Variants in CCDC192 observed in about 807,000 individuals in gnomAD.
CCDC192 encodes coiled-coil domain containing 192.
In CCDC192 at chr5:127,732,876, T is replaced by C. The variant is rs1342998707; in HGVS notation, c.115-21392T>C. On this transcript the variant is annotated intron_variant, in intron 2 of 6. Coordinates refer to ENST00000514853, the MANE Select transcript of CCDC192 (RefSeq NM_001317938.2). ...GGCAGGAGGAAGGAGAGCATCAGGG[T>C]AAATAGCTAATGCATGTGGGGCTTA... 2.6e-5 allele frequency among the ~76,000 whole-genome samples: 4 copies of C among 151,278 alleles called. No individual in the cohort carries two copies. In the East Asian group the frequency reaches 7.8e-4, roughly 29 times the overall value.
intron 6 of CCDC192, among the ~76,000 whole-genome samples, chr5:127,881,168 G>C (rs1489899161): frequency 6.6e-6 from 1 of 152,104 alleles, no homozygotes; most frequent in Non-Finnish European, 1.5e-5. Context: ...ATGATAAATA[G>C]AGAGTGAACC....
At chr5:127,780,161 A>G (rs1462732507) in intron 3 of CCDC192, among the ~76,000 whole-genome samples, 1 of 152,044 alleles carries the variant, frequency 6.6e-6, no homozygotes, top group African/African-American at 2.4e-5. Flanking sequence ...ATATATACGT[A>G]TACGCACACA....
chr5:127,909,814 T>C (rs1561548099), intron 6 of CCDC192, among the ~76,000 whole-genome samples: 1 of 152,214 alleles, frequency 6.6e-6, no homozygotes, highest in African/African-American at 2.4e-5. Context: ...AATAGAAGTG[T>C]TCAAAGCTTG....
chr5:127,745,193 G>C (rs897628738), intron 2 of CCDC192, among the ~76,000 whole-genome samples: 1 of 152,188 alleles, frequency 6.6e-6, no homozygotes, highest in Non-Finnish European at 1.5e-5. Context: ...AGTTGGATCA[G>C]TCAGAAACCT....
chr5:127,719,586 G>C, intron 2 of CCDC192, among the ~76,000 whole-genome samples: 1 of 129,870 alleles, frequency 7.7e-6, no homozygotes, highest in African/African-American at 3.1e-5. Context: ...TATATACCAA[G>C]CAGTGGGATT....
intron 6 of CCDC192, among the ~76,000 whole-genome samples, chr5:127,903,774 C>T (rs1753121900): frequency 6.6e-6 from 1 of 151,898 alleles, no homozygotes; most frequent in Non-Finnish European, 1.5e-5. Flanking sequence ...AAATTTGAGC[C>T]AATAATTTTT....
intron 6 of CCDC192, among the ~76,000 whole-genome samples, chr5:127,916,587 T>C (rs929250358): frequency 9.9e-5 from 15 of 152,276 alleles, no homozygotes; most frequent in African/African-American, 3.6e-4. Flanking sequence ...AGATGTTACA[T>C]TAGCAGACAT....
intron 5 of CCDC192, among the ~76,000 whole-genome samples, chr5:127,828,070 C>A (rs1019960399): frequency 2.5e-4 from 38 of 152,272 alleles, no homozygotes; most frequent in East Asian, 1.7e-3. Context: ...CCATGCCCGG[C>A]TAATTTTCAT....
intron 5 of CCDC192, among the ~76,000 whole-genome samples, chr5:127,818,142 TA>T (rs148568984): frequency 0.026 from 3,975 of 152,300 alleles, 158 homozygotes; most frequent in African/African-American, 0.091. Context: ...GATATTTACA[TA>T]TTTTTTTGCT....
At position 127,703,463 on chromosome 5, in the gene CCDC192, C is replaced by T; in HGVS notation, c.18C>T (p.Ser6=). ...GGCTTGAGATGGGACAATGCTATAG[C>T]AAGAAATCTGTGGTCCCAGAGTCTG... The part of the protein sequence containing the change: MGQCY[S]KKSVVPESDT... Residue 6 remains serine, a synonymous_variant, in exon 1 of 7, where the codon AGC becomes AGT. Transcript: ENST00000514853. 2.5e-6 allele frequency: 1 copy of T among 398,982 alleles called. No individual in the cohort carries two copies. The highest frequency in any genetic ancestry group is 4.4e-5 in the Admixed American group (1 of 22,724). The allele number at this position is 398,982 out of a possible 1,614,324, so 24.7% of individuals were successfully genotyped here.
At chr5:127,783,078 C>G (rs977095172) in intron 3 of CCDC192, among the ~76,000 whole-genome samples, 1 of 151,770 alleles carries the variant, frequency 6.6e-6, no homozygotes, top group African/African-American at 2.4e-5. Flanking sequence ...TCACTGCAAC[C>G]TCTGCCTCCT....
chr5:127,732,492 G>A (rs189436566), intron 2 of CCDC192, among the ~76,000 whole-genome samples: 23 of 152,202 alleles, frequency 1.5e-4, no homozygotes, highest in African/African-American at 5.3e-4. Flanking sequence ...CCCATTACTA[G>A]GTATATACCC....
chr5:127,923,657 G>A (rs867626841), intron 6 of CCDC192, among the ~76,000 whole-genome samples: 2 of 152,106 alleles, frequency 1.3e-5, no homozygotes, highest in African/African-American at 2.4e-5. Context: ...GATTACAGGC[G>A]TGAGCCTCCG....
At chr5:127,878,498 C>G (rs1464548515) in intron 6 of CCDC192, among the ~76,000 whole-genome samples, 1 of 152,100 alleles carries the variant, frequency 6.6e-6, no homozygotes. Flanking sequence ...TAGGCAAAAC[C>G]AATATCTCCT....
chr5:127,786,862 G>A (rs930245321), intron 3 of CCDC192: 14 of 493,242 alleles, frequency 2.8e-5, no homozygotes, highest in Non-Finnish European at 5.4e-5. Context: ...CCTCATGCTT[G>A]GTTTGACTGG....
rs933516847 is a variant in CCDC192 at position 127,880,642 on chromosome 5, A to G, written c.535+4981A>G. On this transcript the variant is annotated intron_variant, in intron 6 of 6. Coordinates refer to ENST00000514853, the MANE Select transcript of CCDC192 (RefSeq NM_001317938.2). The stretch of plus-strand genomic sequence containing the variant: ...AATAAAATGAAAATAAATTAAAAAA[A>G]AAACAAAACATCTCCAATACACCTT... 1.2e-4 allele frequency among the ~76,000 whole-genome samples: 18 copies of G among 152,130 alleles called. 1 individual carries two copies. The South Asian group carries it at 3.3e-3, about 28-fold the overall frequency.
intron 1 of CCDC192, among the ~76,000 whole-genome samples, chr5:127,705,502 C>T (rs1185367100): frequency 6.6e-6 from 1 of 152,038 alleles, no homozygotes; most frequent in Non-Finnish European, 1.5e-5. Flanking sequence ...AGTCCTTGTC[C>T]TCTATGAGGG....
intron 6 of CCDC192, among the ~76,000 whole-genome samples, chr5:127,913,692 G>A (rs930789937): frequency 2.0e-5 from 3 of 152,228 alleles, no homozygotes; most frequent in African/African-American, 7.2e-5. Context: ...GGAGATCTTA[G>A]GAGTAGTTAA....
chr5:127,864,807 C>A (rs1751532182), intron 5 of CCDC192, among the ~76,000 whole-genome samples: 1 of 152,178 alleles, frequency 6.6e-6, no homozygotes. Flanking sequence ...TCACTTGCAA[C>A]ATCACACTCT....
Sources: allele counts gnomAD v4.1 joint callset (sites outside exome capture counted in the v4.1 genomes callset), GRCh38; gene constraint gnomAD v4.1.1; transcripts MANE v1.5; gene names NCBI Gene and HGNC (gene_info 2026-07-23, HGNC 2026-07-21).